ZSCAN5A: variants seen among roughly 807,000 people sequenced by gnomAD.
ZSCAN5A encodes zinc finger and SCAN domain-containing protein 5A.
In ZSCAN5A, 12 loss-of-function variants were observed where a neutral mutation model predicts 23.7. The ratio of observed to expected loss-of-function variants is 0.51; its 90% CI spans 0.32 to 0.82. The LOEUF (loss-of-function observed/expected upper bound fraction) is 0.82, where lower values mean the gene tolerates loss of function less well. Among genes scored for constraint, ZSCAN5A ranks in the 40% least tolerant of loss-of-function variants. ZSCAN5A has a pLI of 0.03. For missense variants in ZSCAN5A, 597 were observed against 617.9 expected (o/e 0.97, Z 0.36); for synonymous variants, 257 against 239.9 (o/e 1.07, Z -0.66).
intron 2 of ZSCAN5A, among the ~76,000 whole-genome samples, chr19:56,284,402 TGG>T (rs1194234561): frequency 6.6e-6 from 1 of 152,044 alleles, no homozygotes; most frequent in East Asian, 1.9e-4. Context: ...GCTTGGGTGA[TGG>T]GAGCCCAGAA....
chr19:56,224,456 C>T (rs2033686445), intron 3 of ZSCAN5A: 5 of 751,266 alleles, frequency 6.7e-6, no homozygotes, highest in East Asian at 5.5e-5. Flanking sequence ...TTGTCCTGAG[C>T]GTTAGAGAAC....
chr19:56,222,392 A>G, intron 5 of ZSCAN5A, 66 bp from the exon 6 acceptor site: 5 of 1,583,700 alleles, frequency 3.2e-6, no homozygotes, highest in Non-Finnish European at 3.4e-6. Flanking sequence ...ACTCATTGCA[A>G]CCAAACACTG....
intron 2 of ZSCAN5A, among the ~76,000 whole-genome samples, chr19:56,337,133 T>A (rs1048836659): frequency 1.3e-5 from 2 of 152,248 alleles, no homozygotes; most frequent in African/African-American, 4.8e-5. Context: ...CATTTAAGTC[T>A]GCAGATGTTA....
chr19:56,279,778 C>T (rs2038544698), intron 2 of ZSCAN5A, among the ~76,000 whole-genome samples: 1 of 151,910 alleles, frequency 6.6e-6, no homozygotes, highest in Non-Finnish European at 1.5e-5. Context: ...TAAACCTAAA[C>T]AAATGCAAAC....
chr19:56,222,303 C>G lies in ZSCAN5A; in HGVS notation c.763G>C (p.Gly255Arg). Residue 255 changes from glycine (G) to arginine (R), a missense_variant, in exon 6 of 6, where the codon GGG becomes CGG. Physicochemically the swap from Gly to Arg is moderately radical, Grantham distance 125 (BLOSUM62 -2). Around this residue, in one of 5 missense-constraint regions of ZSCAN5A, gnomAD observed 406 missense variants for 353.2 expected, o/e 1.15. Coordinates refer to ENST00000683990, the MANE Select transcript of ZSCAN5A (RefSeq NM_001322064.3). ...GAGGCTATTTTTGGGGGGTCCTTCC[C>G]CTCCTTTGCTCTCACCAGATCTGCT... is the stretch of plus-strand genomic sequence containing the variant. ...SPTDLVRAKEGKDPPKIASVE... is the reference protein window; with the variant it reads ...SPTDLVRAKERKDPPKIASVE... 6.2e-7 allele frequency: 1 copy of G among 1,612,266 alleles called. No individual in the cohort carries two copies. Among genetic ancestry groups the G allele is most frequent in the Non-Finnish European group, 8.5e-7 (1 of 1,179,852 alleles).
chr19:56,297,648 T>C, intron 2 of ZSCAN5A: 1 of 527,094 alleles, frequency 1.9e-6, no homozygotes, highest in African/African-American at 2.1e-5. Flanking sequence ...GCAGGGGCTT[T>C]GGTACCTGAG....
At chr19:56,230,438 C>T (rs928722717) in intron 2 of ZSCAN5A, among the ~76,000 whole-genome samples, 8 of 152,140 alleles carry the variant, frequency 5.3e-5, no homozygotes, top group African/African-American at 1.9e-4. Flanking sequence ...AACAGGTATA[C>T]GTTGTGATGC....
chr19:56,228,240 C>G, intron 2 of ZSCAN5A: 1 of 985,348 alleles, frequency 1.0e-6, no homozygotes, highest in Non-Finnish European at 1.2e-6. Flanking sequence ...GACATCCCCG[C>G]TGGACACTCA....
intron 2 of ZSCAN5A, among the ~76,000 whole-genome samples, chr19:56,235,631 C>T (rs1206420013): frequency 0.022 from 341 of 15,664 alleles, 18 homozygotes; most frequent in Non-Finnish European, 0.026. Context: ...GACCGTGGGC[C>T]AAGTCTCCAC....
At chr19:56,367,412 G>C (rs1470900909) in intron 1 of ZSCAN5A, 1 of 152,180 alleles carries the variant, frequency 6.6e-6, no homozygotes, top group Non-Finnish European at 1.5e-5. Context: ...CAGCAAAAGA[G>C]GCAAAAACTG....
At position 56,245,309 on chromosome 19, in the gene ZSCAN5A, C is replaced by G. The variant is rs563483291; in HGVS notation, c.-127-20136G>C. 161 of 740,412 alleles carry G rather than the reference C, an allele frequency of 2.2e-4. 4 individuals are homozygous for G. The East Asian group carries it at 4.1e-3, about 19-fold the overall frequency. The allele number at this position is 740,412 out of a possible 1,614,324, so 45.9% of individuals were successfully genotyped here. A position where few individuals can be genotyped will look rare whatever the true frequency, so the allele number is the denominator to read the frequency against. On this transcript the variant is annotated intron_variant, in intron 2 of 5. Coordinates refer to ENST00000683990, the MANE Select transcript of ZSCAN5A (RefSeq NM_001322064.3). ...AATCCCTGCCAGTGTCAGAGATGAT[C>G]CGAGAGGCGTGTCCAGCCAGCGGGC...
intron 2 of ZSCAN5A, among the ~76,000 whole-genome samples, chr19:56,278,567 G>C (rs550283258): frequency 8.0e-4 from 122 of 152,316 alleles, no homozygotes; most frequent in African/African-American, 2.8e-3. Flanking sequence ...TATACATATA[G>C]ATACATATAT....
chr19:56,365,992 C>T (rs1182437157), intron 1 of ZSCAN5A: 2 of 152,196 alleles, frequency 1.3e-5, no homozygotes, highest in Non-Finnish European at 2.9e-5. Context: ...AAATATACCA[C>T]GGCATTCTGT....
At chr19:56,238,219 T>G (rs992829080) in intron 2 of ZSCAN5A, among the ~76,000 whole-genome samples, 2 of 151,742 alleles carry the variant, frequency 1.3e-5, no homozygotes, top group African/African-American at 4.9e-5. Flanking sequence ...GCATATGCTC[T>G]TAGTCCCCAC....
intron 2 of ZSCAN5A, among the ~76,000 whole-genome samples, chr19:56,268,114 C>T (rs2037599409): frequency 6.6e-6 from 1 of 152,200 alleles, no homozygotes; most frequent in Non-Finnish European, 1.5e-5. Context: ...GCTCCTCTAT[C>T]TAGGATAGAT....
In ZSCAN5A at chr19:56,221,899, A is replaced by G. The variant is rs768951640; in HGVS notation, c.1167T>C (p.Cys389=). 4.8e-5 allele frequency: 78 copies of G among 1,614,058 alleles called. No individual in the cohort carries two copies. Among genetic ancestry groups the G allele is most frequent in the Admixed American group, 8.3e-5 (5 of 60,006 alleles). The part of the protein sequence containing the change: ...TGERLFQCNL[C]GKRFMQLISL... ...TAATAAGCTGCATGAAGCGCTTCCC[A>G]CAGAGATTACATTGAAAGAGTCTCT... The change falls in exon 6 of 6, where the codon TGT becomes TGC. Residue 389 remains cysteine (C), a synonymous_variant. Coordinates refer to ENST00000683990, the MANE Select transcript of ZSCAN5A (RefSeq NM_001322064.3).
chr19:56,231,009 T>C (rs79264136), intron 2 of ZSCAN5A, among the ~76,000 whole-genome samples: 1,678 of 152,198 alleles, frequency 0.011, 33 homozygotes, highest in African/African-American at 0.039. Context: ...AAGCAGAACT[T>C]TGAGATCAGA....
At chr19:56,353,250 C>T (rs906789179) in intron 2 of ZSCAN5A, among the ~76,000 whole-genome samples, 13 of 152,126 alleles carry the variant, frequency 8.5e-5, no homozygotes, top group African/African-American at 2.7e-4. Context: ...TCGAGTGTAA[C>T]GGATACTACA....
chr19:56,308,199 A>C (rs2040821964), intron 2 of ZSCAN5A, among the ~76,000 whole-genome samples: 1 of 151,824 alleles, frequency 6.6e-6, no homozygotes, highest in South Asian at 2.1e-4. Context: ...ACGCCCAGCT[A>C]AGTTTTGTAC....
Sources: allele counts gnomAD v4.1 joint callset (sites outside exome capture counted in the v4.1 genomes callset), GRCh38; gene constraint gnomAD v4.1.1; regional missense constraint gnomAD v4.1.1; transcripts MANE v1.5; gene names NCBI Gene and HGNC (gene_info 2026-07-23, HGNC 2026-07-21).